Variants in TMEM260 observed in about 807,000 individuals in gnomAD.
TMEM260 encodes the protein transmembrane protein 260.
In TMEM260, 82 loss-of-function variants were observed where a neutral mutation model predicts 88.9. That is an observed-to-expected ratio of 0.92 (90% CI 0.77 to 1.11). The LOEUF is 1.11. Ranked by LOEUF, TMEM260 falls within the 50% of genes least tolerant of loss-of-function variation. The pLI is 0.00. For missense variants in TMEM260, 902 were observed against 853.4 expected (o/e 1.06, Z -0.71); for synonymous variants, 314 against 309.3 (o/e 1.02, Z -0.16).
rs777937475 is a variant in TMEM260 at position 56,605,668 on chromosome 14, A to G, written c.621A>G (p.Gln207=). The part of the protein sequence containing the change: ...VLCIIPWILF[Q]LLKKKELSLG... ...GCATAATACCTTGGATTCTCTTTCA[A>G]CTTTTAAAAAAGAAGGTACGTTTTT... Residue 207 remains glutamine (Q), a synonymous_variant, in exon 5 of 16, where the codon CAA becomes CAG. Transcript: ENST00000261556. 10 of 1,570,048 alleles carry G rather than the reference A, an allele frequency of 6.4e-6. No homozygotes were observed. The highest frequency in any genetic ancestry group is 5.7e-5 in the Admixed American group (3 of 53,026).
At chr14:56,624,878 G>C (rs1049249323) in intron 11 of TMEM260, among the ~76,000 whole-genome samples, 1 of 152,068 alleles carries the variant, frequency 6.6e-6, no homozygotes, top group Non-Finnish European at 1.5e-5. Context: ...ACAGACTGGG[G>C]GTTGGGGGTG....
chr14:56,636,074 C>A (rs1012843612), intron 14 of TMEM260, among the ~76,000 whole-genome samples: 2 of 152,086 alleles, frequency 1.3e-5, no homozygotes, highest in Non-Finnish European at 2.9e-5. Flanking sequence ...ATTTAATTGG[C>A]GTTCTGAATA....
intron 15 of TMEM260, among the ~76,000 whole-genome samples, chr14:56,640,370 A>G (rs1208566829): frequency 1.3e-5 from 2 of 152,218 alleles, no homozygotes; most frequent in South Asian, 2.1e-4. Context: ...TCCACTGCTG[A>G]TACCCAGGCA....
chr14:56,619,658 A>G (rs947589823), intron 10 of TMEM260, among the ~76,000 whole-genome samples: 3 of 151,922 alleles, frequency 2.0e-5, no homozygotes, highest in African/African-American at 7.3e-5. Flanking sequence ...ATGGAAATGG[A>G]AGAGAGTCCC....
intron 12 of TMEM260, among the ~76,000 whole-genome samples, chr14:56,631,062 G>A (rs1193188402): frequency 6.6e-6 from 1 of 152,166 alleles, no homozygotes; most frequent in Non-Finnish European, 1.5e-5. Flanking sequence ...CAACTGAGGG[G>A]AATAAGACAG....
rs1885103584 is a variant in TMEM260 at position 56,581,140 on chromosome 14, G to A, written c.160+1066G>A. 1.3e-5 allele frequency among the ~76,000 whole-genome samples: 2 copies of A among 152,086 alleles called. 1 individual carries two copies. The highest frequency in any genetic ancestry group is 4.1e-4 in the South Asian group (2 of 4,828). ...TGACTTCTGTCAAGAAAAAGATGAA[G>A]GACACCTCTCTGTCTGACAGCTCTG... On this transcript the variant is annotated intron_variant, in intron 1 of 15. Coordinates refer to ENST00000261556, the MANE Select transcript of TMEM260 (RefSeq NM_017799.4).
At chr14:56,597,798 G>T (rs1447219588) in intron 3 of TMEM260, among the ~76,000 whole-genome samples, 1 of 152,092 alleles carries the variant, frequency 6.6e-6, no homozygotes, top group African/African-American at 2.4e-5. Flanking sequence ...AATGAAATTG[G>T]CAGGATGTGT....
downstream of TMEM260, chr14:56,650,218 C>T (rs1890177775): frequency 2.6e-6 from 1 of 379,102 alleles, no homozygotes; most frequent in Non-Finnish European, 5.2e-6. Flanking sequence ...GGCAGGAAGA[C>T]AGGAACCCCA....
Position 56,636,570 on chromosome 14 carries a change from AAGCTCAACTC to A in TMEM260, c.1842_1851del (p.Lys614AsnfsTer21). On this transcript the variant is annotated frameshift_variant, in exon 15 of 16. Transcript: ENST00000261556. LOFTEE classifies it high-confidence loss of function. ...ACTGCTCACATGCCTTCAAAAGTGA[AAGCTCAACTC>A]TACGCTCAAGCATATGACGTATGTT... is the stretch of plus-strand genomic sequence containing the variant. 1.2e-6 allele frequency: 2 copies of A among 1,614,070 alleles called. No homozygotes were observed. The highest frequency in any genetic ancestry group is 1.7e-6 in the Non-Finnish European group (2 of 1,179,990).
chr14:56,640,928 G>A (rs192992459), intron 15 of TMEM260, among the ~76,000 whole-genome samples: 115 of 151,926 alleles, frequency 7.6e-4, no homozygotes, highest in Middle Eastern at 3.4e-3. Context: ...GAAATGCAGC[G>A]AGAAGTTTAG....
chr14:56,644,143 T>C (rs1373387315), intron 15 of TMEM260, among the ~76,000 whole-genome samples: 1 of 152,142 alleles, frequency 6.6e-6, no homozygotes, highest in Non-Finnish European at 1.5e-5. Context: ...CTTCACAGAA[T>C]TGGAAAAAAG....
the TMEM260 span, among the ~76,000 whole-genome samples, chr14:56,656,064 T>G: frequency 6.6e-6 from 1 of 152,168 alleles, no homozygotes; most frequent in African/African-American, 2.4e-5. Flanking sequence ...CTGTATAGTA[T>G]AGTGATTAGA....
Position 56,612,777 on chromosome 14 carries a change from T to A in TMEM260, c.857+492T>A, listed in dbSNP as rs77085246. ...CATGGATACAGAGGGCCGACTGTAC[T>A]GTCAAATATTTTTAGCACCTCCTTC... On this transcript the variant is annotated intron_variant, in intron 7 of 15. Transcript: ENST00000261556. 9.5e-3 allele frequency: 1,462 copies of A among 153,226 alleles called. 46 individuals carry two copies. In the East Asian group the frequency reaches 0.098, roughly 10 times the overall value. The allele number at this position is 153,226 out of a possible 1,614,324, so 9.5% of individuals were successfully genotyped here.
At chr14:56,649,629 T>C (rs2086466248), downstream of TMEM260, 1 of 154,416 alleles carries the variant, frequency 6.5e-6, no homozygotes, top group African/African-American at 2.4e-5. Context: ...TACATACGCA[T>C]GTGGTGTTTG....
chr14:56,633,249 T>A, intron 13 of TMEM260, 78 bp downstream of exon 13: 2 of 1,235,982 alleles, frequency 1.6e-6, no homozygotes, highest in Non-Finnish European at 1.1e-6. Context: ...CATTTTGAGA[T>A]GCCTTCTAAT....
intron 5 of TMEM260, among the ~76,000 whole-genome samples, chr14:56,606,759 G>A (rs79963634): frequency 0.049 from 7,426 of 152,236 alleles, 463 homozygotes; most frequent in African/African-American, 0.14. Context: ...GCTGGGCTTG[G>A]CAGTGTGCGC....
intron 13 of TMEM260, among the ~76,000 whole-genome samples, chr14:56,634,269 C>T (rs932582869): frequency 6.6e-6 from 1 of 152,182 alleles, no homozygotes; most frequent in African/African-American, 2.4e-5. Context: ...ATAGAGTGAC[C>T]TACACCTCAC....
intron 13 of TMEM260, among the ~76,000 whole-genome samples, chr14:56,633,959 G>A (rs974116758): frequency 1.3e-5 from 2 of 152,098 alleles, no homozygotes; most frequent in African/African-American, 2.4e-5. Flanking sequence ...GACAGTATGC[G>A]CAAATACAGA....
chr14:56,631,839 G>GTTTCTATCTATCTA (rs1888630395), intron 12 of TMEM260, among the ~76,000 whole-genome samples: 1 of 152,018 alleles, frequency 6.6e-6, no homozygotes, highest in Non-Finnish European at 1.5e-5. Flanking sequence ...CTATCTATCT[G>GTTTCTATCTATCTA]TTGGGAAACT....
Sources: gnomAD v4.1 joint callset for allele counts (sites outside exome capture counted in the v4.1 genomes callset) on GRCh38, gnomAD v4.1.1 for gene constraint, MANE v1.5 for transcripts, NCBI Gene and HGNC (gene_info 2026-07-23, HGNC 2026-07-21) for gene names.